The following PLS3 variants were observed in gnomAD, a reference collection of about 807,000 sequenced individuals.
The protein encoded by PLS3 is plastin-3.
PLS3 carries 11 observed loss-of-function variants against 46.5 expected under a neutral mutation model. That is an observed-to-expected ratio of 0.24 (90% CI 0.15 to 0.39). The LOEUF (loss-of-function observed/expected upper bound fraction) is 0.39, where lower values mean the gene tolerates loss of function less well. Ranked by LOEUF, PLS3 falls within the 10% of genes least tolerant of loss-of-function variation. PLS3 has a pLI of 1.00. For missense variants in PLS3, 308 were observed against 461.8 expected (o/e 0.67, Z 3.05); for synonymous variants, 167 against 162.2 (o/e 1.03, Z -0.22).
At chrX:115,566,437 T>C (rs2074172810) in intron 1 of PLS3, among the ~76,000 whole-genome samples, 1 of 2,303 alleles carries the variant, frequency 4.3e-4, no homozygotes, top group Admixed American at 7.6e-3. Context: ...CAGGCTGGAG[T>C]GGTGCAGCGG....
intron 2 of PLS3, among the ~76,000 whole-genome samples, chrX:115,617,789 A>G (rs1258487698): frequency 6.2e-5 from 7 of 112,100 alleles, no homozygotes; most frequent in Admixed American, 1.9e-4. Flanking sequence ...TTTTATGTTA[A>G]TTATGTTTTA....
intron 1 of PLS3, among the ~76,000 whole-genome samples, chrX:115,565,589 C>T (rs782770586): frequency 1.2e-4 from 13 of 111,825 alleles, no homozygotes; most frequent in Non-Finnish European, 2.4e-4. Flanking sequence ...GAGGATTGCT[C>T]AAGCTTTTTG....
At chrX:115,627,805 G>A (rs1308382683) in intron 3 of PLS3, among the ~76,000 whole-genome samples, 1 of 111,835 alleles carries the variant, frequency 8.9e-6, no homozygotes, top group Non-Finnish European at 1.9e-5. Flanking sequence ...AAAATTACTG[G>A]TAAAGCTAGC....
At chrX:115,563,311 AAC>A (rs1187406893) in intron 1 of PLS3, among the ~76,000 whole-genome samples, 1 of 111,913 alleles carries the variant, frequency 8.9e-6, no homozygotes, top group African/African-American at 3.2e-5. Context: ...CATGCACAAA[AAC>A]AGTGGATAGT....
intron 1 of PLS3, among the ~76,000 whole-genome samples, chrX:115,566,367 T>G (rs2074172167): frequency 8.9e-6 from 1 of 111,746 alleles, no homozygotes; most frequent in South Asian, 3.7e-4. Context: ...TACTTTCTTC[T>G]TCTTCTTTTG....
intron 1 of PLS3, among the ~76,000 whole-genome samples, chrX:115,580,427 C>T (rs2074273449): frequency 8.9e-6 from 1 of 112,341 alleles, no homozygotes; most frequent in Non-Finnish European, 1.9e-5. Flanking sequence ...TGTTTGTCCT[C>T]GTCTACTGAC....
At chrX:115,634,119 C>T in intron 6 of PLS3, 38 bp downstream of exon 6, 2 of 804,326 alleles carry the variant, frequency 2.5e-6, no homozygotes, top group Non-Finnish European at 3.7e-6. Flanking sequence ...CATGAAATTA[C>T]TGTTTGAGGA....
rs1179552882 is a variant in PLS3, at chrX:115,643,442, C to T, written c.1117C>T (p.Leu373=). 1 of 1,201,479 alleles carries T rather than the reference C, an allele frequency of 8.3e-7. No individual in the cohort carries two copies. Among genetic ancestry groups the T allele is most frequent in the African/African-American group, 1.8e-5 (1 of 56,906 alleles). The change falls in exon 10 of 16, where the codon CTG becomes TTG. Residue 373 remains leucine (L), a synonymous_variant. Transcript: ENST00000355899. The stretch of plus-strand genomic sequence containing the variant: ...ACTCAACTTAGCTTTCGTGGCTAAC[C>T]TGTTTAATAAATACCCAGCACTAAC... The part of the protein sequence containing the change: ...PKLNLAFVAN[L]FNKYPALTKP...
intron 1 of PLS3, among the ~76,000 whole-genome samples, chrX:115,589,693 C>T (rs1556632860): frequency 8.9e-6 from 1 of 112,058 alleles, no homozygotes; most frequent in African/African-American, 3.2e-5. Flanking sequence ...GAGAGCATGA[C>T]GTCTGGATGA....
intron 1 of PLS3, among the ~76,000 whole-genome samples, chrX:115,567,811 A>G (rs2074187084): frequency 9.7e-6 from 1 of 103,131 alleles, no homozygotes; most frequent in Admixed American, 1.1e-4. Flanking sequence ...GAGTTGTGAT[A>G]TTCATACACA....
At chrX:115,575,450 T>G (rs1261746201) in intron 1 of PLS3, among the ~76,000 whole-genome samples, 1 of 111,807 alleles carries the variant, frequency 8.9e-6, no homozygotes, top group Non-Finnish European at 1.9e-5. Flanking sequence ...TTTTTGTTAT[T>G]TTTTGTTCCT....
chrX:115,594,625 C>T (rs1420714315), intron 1 of PLS3, among the ~76,000 whole-genome samples: 1 of 101,796 alleles, frequency 9.8e-6, no homozygotes, highest in Non-Finnish European at 2.0e-5. Context: ...TGCCTAGCCT[C>T]TCTCTCTCTC....
intron 1 of PLS3, among the ~76,000 whole-genome samples, chrX:115,589,252 A>C (rs992218705): frequency 9.0e-6 from 1 of 111,611 alleles, no homozygotes; most frequent in African/African-American, 3.3e-5. Context: ...GATTACAAGC[A>C]CCAGCCACCA....
intron 1 of PLS3, among the ~76,000 whole-genome samples, chrX:115,606,860 G>T (rs1363571996): frequency 3.6e-5 from 4 of 110,958 alleles, no homozygotes; most frequent in African/African-American, 1.3e-4. Flanking sequence ...TGGAGGCGAG[G>T]TCTCACTATG....
At chrX:115,612,625 T>G (rs2074558599) in intron 2 of PLS3, among the ~76,000 whole-genome samples, 1 of 111,570 alleles carries the variant, frequency 9.0e-6, no homozygotes, top group Admixed American at 9.6e-5. Context: ...TCCCCATCTA[T>G]TAACAATAAT....
At chrX:115,627,165 C>G (rs1386953363) in intron 3 of PLS3, among the ~76,000 whole-genome samples, 4 of 111,306 alleles carry the variant, frequency 3.6e-5, no homozygotes, top group Non-Finnish European at 7.5e-5. Flanking sequence ...TTTTCTAGTT[C>G]TAGTTATTAG....
At chrX:115,647,717 A>G (rs369973015) in intron 14 of PLS3, 44 bp downstream of exon 14, 6 of 1,162,979 alleles carry the variant, frequency 5.2e-6, no homozygotes, top group Non-Finnish European at 5.8e-6. Flanking sequence ...TTTGCTGGAT[A>G]ACATCTATCA....
chrX:115,565,394 G>A (rs782728931), intron 1 of PLS3, among the ~76,000 whole-genome samples: 2 of 111,539 alleles, frequency 1.8e-5, no homozygotes, highest in South Asian at 3.8e-4. Context: ...GTCCTTTGCA[G>A]TCTGGACAGA....
At chrX:115,598,722 A>G (rs2074412838) in intron 1 of PLS3, among the ~76,000 whole-genome samples, 1 of 112,275 alleles carries the variant, frequency 8.9e-6, no homozygotes, top group Non-Finnish European at 1.9e-5. Flanking sequence ...GTTGTTCACA[A>G]TACTTAGCAT....
Sources: gnomAD v4.1 joint callset for allele counts (sites outside exome capture counted in the v4.1 genomes callset) on GRCh38, gnomAD v4.1.1 for gene constraint, MANE v1.5 for transcripts, NCBI Gene and HGNC (gene_info 2026-07-23, HGNC 2026-07-21) for gene names.